DLGAP2: variants seen among roughly 807,000 people sequenced by gnomAD.
The protein encoded by DLGAP2 is disks large-associated protein 2.
DLGAP2 carries 26 observed loss-of-function variants against 100.3 expected under a neutral mutation model. The ratio of observed to expected loss-of-function variants is 0.26; its 90% CI spans 0.19 to 0.36. The LOEUF (loss-of-function observed/expected upper bound fraction) is 0.36. Ranked by LOEUF, DLGAP2 falls within the 10% of genes least tolerant of loss-of-function variation. The pLI, the probability that DLGAP2 is intolerant of heterozygous loss-of-function variation, is 1.00. For synonymous variants in DLGAP2, 886 were observed against 630.1 expected (o/e 1.41, Z -6.08); for missense variants, 1,858 against 1,453.2 (o/e 1.28, Z -4.53).
intron 2 of DLGAP2, among the ~76,000 whole-genome samples, chr8:936,315 A>G (rs570820399): frequency 6.6e-6 from 1 of 152,324 alleles, no homozygotes; most frequent in South Asian, 2.1e-4. Context: ...ATGCTTCTAC[A>G]TTGGAAAAAG....
chr8:1,230,331 A>T (rs1798509892), intron 2 of DLGAP2, among the ~76,000 whole-genome samples: 1 of 152,156 alleles, frequency 6.6e-6, no homozygotes, highest in African/African-American at 2.4e-5. Flanking sequence ...CTACACGGAG[A>T]ACTATAAAAC....
At chr8:798,791 C>T (rs1447437641) in intron 1 of DLGAP2, among the ~76,000 whole-genome samples, 5 of 147,412 alleles carry the variant, frequency 3.4e-5, no homozygotes, top group Non-Finnish European at 7.5e-5. Context: ...GCCCCGTGCC[C>T]TGGTGCTGGC....
At chr8:913,811 C>T (rs1798537342) in intron 2 of DLGAP2, among the ~76,000 whole-genome samples, 1 of 152,244 alleles carries the variant, frequency 6.6e-6, no homozygotes, top group Admixed American at 6.5e-5. Flanking sequence ...GAATTATCCA[C>T]ATGTGACTTT....
intron 3 of DLGAP2, among the ~76,000 whole-genome samples, chr8:1,387,416 G>C (rs1399737297): frequency 6.6e-6 from 1 of 152,204 alleles, no homozygotes; most frequent in African/African-American, 2.4e-5. Context: ...AGAGAAGGCT[G>C]GGTTTGGCTA....
chr8:1,553,407 C>A (rs992309267), intron 5 of DLGAP2, among the ~76,000 whole-genome samples: 1 of 152,170 alleles, frequency 6.6e-6, no homozygotes, highest in East Asian at 1.9e-4. Context: ...GGCAGCAGCC[C>A]CATTTTGTTT....
chr8:1,169,778 T>G (rs1218050990), intron 2 of DLGAP2, among the ~76,000 whole-genome samples: 1 of 151,852 alleles, frequency 6.6e-6, no homozygotes, highest in Non-Finnish European at 1.5e-5. Flanking sequence ...TAAGGAGATT[T>G]TGGGCTGAGA....
At chr8:1,657,648 C>T (rs1027490810) in intron 8 of DLGAP2, among the ~76,000 whole-genome samples, 2 of 152,148 alleles carry the variant, frequency 1.3e-5, no homozygotes, top group Admixed American at 1.3e-4. Flanking sequence ...AAATGTTTGT[C>T]AAAAGAATGG....
At chr8:738,314 G>A (rs1454939619) in intron 1 of DLGAP2, among the ~76,000 whole-genome samples, 2 of 151,940 alleles carry the variant, frequency 1.3e-5, no homozygotes, top group Non-Finnish European at 2.9e-5. Flanking sequence ...GAAGGGTGCC[G>A]GGCTGGGCTG....
rs190914133 is a variant in DLGAP2, at chr8:1,470,563, A to C, written c.107-30803A>C. Among the ~76,000 whole-genome samples the C allele has an allele frequency of 1.2e-4, 19 of 152,278 alleles. No individual in the cohort carries two copies. In the East Asian group the frequency reaches 3.7e-3, roughly 29 times the overall value. ...ACGCAGAAGCACATATTGGAATCCT[A>C]TTCTATTCTCTCTTAAATATTTGAT... On this transcript the variant is annotated intron_variant, in intron 3 of 14. Transcript: ENST00000637795.
At chr8:1,088,086 G>A (rs964909846) in intron 2 of DLGAP2, among the ~76,000 whole-genome samples, 13 of 152,226 alleles carry the variant, frequency 8.5e-5, no homozygotes, top group Non-Finnish European at 1.6e-4. Flanking sequence ...GCTGGGCTTG[G>A]CCCCACAGGG....
At chr8:1,456,023 T>C (rs938720678) in intron 3 of DLGAP2, among the ~76,000 whole-genome samples, 2 of 152,194 alleles carry the variant, frequency 1.3e-5, no homozygotes, top group African/African-American at 4.8e-5. Flanking sequence ...ACCAGCCCGA[T>C]GGCCGCTCGC....
rs369144096 is a variant in DLGAP2, at chr8:1,678,403, C to G, written c.2478C>G (p.Leu826=). ...SAVRTVRTQG[L]FSYREDYRTQ... ...TGAGAACTGTACGGACCCAGGGGCT[C>G]TTCAGCTATAGAGAAGACTATCGGA... The change falls in exon 12 of 15, where the codon CTC becomes CTG. Residue 826 remains leucine, a synonymous_variant. Coordinates refer to ENST00000637795, the MANE Select transcript of DLGAP2 (RefSeq NM_001346810.2). 7.9e-5 allele frequency: 127 copies of G among 1,613,866 alleles called. No individual in the cohort carries two copies. Among genetic ancestry groups the G allele is most frequent in the Admixed American group, 5.7e-4 (34 of 60,016 alleles).
intron 2 of DLGAP2, among the ~76,000 whole-genome samples, chr8:1,223,156 C>A (rs541670803): frequency 6.6e-6 from 1 of 152,278 alleles, no homozygotes; most frequent in African/African-American, 2.4e-5. Context: ...TTCCCTTAGT[C>A]CTCCCCTAGG....
intron 12 of DLGAP2, among the ~76,000 whole-genome samples, chr8:1,680,315 C>T (rs1478063732): frequency 6.6e-6 from 1 of 152,198 alleles, no homozygotes; most frequent in Non-Finnish European, 1.5e-5. Context: ...TTTAATAGGG[C>T]ATTCACTAAT....
At chr8:1,290,971 C>T (rs1176644936) in intron 3 of DLGAP2, among the ~76,000 whole-genome samples, 1 of 152,138 alleles carries the variant, frequency 6.6e-6, no homozygotes. Context: ...CATCCAGCCA[C>T]AGAACTTTTT....
intron 2 of DLGAP2, among the ~76,000 whole-genome samples, chr8:1,256,203 A>C (rs1446645767): frequency 6.4e-3 from 197 of 30,696 alleles, no homozygotes; most frequent in Middle Eastern, 0.024. Flanking sequence ...GTGTCCTCTC[A>C]TGCCCGGGTG....
intron 3 of DLGAP2, among the ~76,000 whole-genome samples, chr8:1,383,118 A>G (rs1035948870): frequency 6.6e-6 from 1 of 152,250 alleles, no homozygotes; most frequent in Non-Finnish European, 1.5e-5. Context: ...ATGTTGTGAC[A>G]TTGCAGGGAT....
At chr8:849,254 C>T (rs181389899) in intron 1 of DLGAP2, among the ~76,000 whole-genome samples, 38 of 152,082 alleles carry the variant, frequency 2.5e-4, no homozygotes, top group African/African-American at 6.3e-4. Flanking sequence ...GCGTGGTGCA[C>T]GTTGCAGCAT....
chr8:1,039,560 AGCTTG>A (rs1802245186), intron 2 of DLGAP2, among the ~76,000 whole-genome samples: 1 of 87,112 alleles, frequency 1.1e-5, no homozygotes, highest in Non-Finnish European at 2.2e-5. Flanking sequence ...GTGCGTGGTC[AGCTTG>A]GTGTGCGTGG....
Sources: allele counts gnomAD v4.1 joint callset (sites outside exome capture counted in the v4.1 genomes callset), GRCh38; gene constraint gnomAD v4.1.1; transcripts MANE v1.5; gene names NCBI Gene and HGNC (gene_info 2026-07-23, HGNC 2026-07-21).